The following TRPM3 variants were observed in gnomAD, a reference collection of about 807,000 sequenced individuals.
TRPM3 encodes the protein transient receptor potential cation channel subfamily M member 3, also known as long transient receptor potential channel 3.
In TRPM3, 77 loss-of-function variants were observed where a neutral mutation model predicts 181.2. The ratio of observed to expected loss-of-function variants is 0.42; its 90% CI spans 0.35 to 0.51. The LOEUF (loss-of-function observed/expected upper bound fraction) is 0.51. Among genes scored for constraint, TRPM3 ranks in the 20% least tolerant of loss-of-function variants. The pLI is 0.01. For synonymous variants in TRPM3, 745 were observed against 796.4 expected (o/e 0.94, Z 1.09); for missense variants, 1,759 against 2,196.7 (o/e 0.80, Z 3.98).
At chr9:70,999,777 G>A (rs1236797444) in intron 1 of TRPM3, among the ~76,000 whole-genome samples, 1 of 152,164 alleles carries the variant, frequency 6.6e-6, no homozygotes, top group Non-Finnish European at 1.5e-5. Context: ...AGAAAAAGGT[G>A]CAGCTCTTTC....
chr9:71,072,878 T>C (rs981367713), intron 1 of TRPM3, among the ~76,000 whole-genome samples: 9 of 152,174 alleles, frequency 5.9e-5, no homozygotes, highest in African/African-American at 2.2e-4. Context: ...TTAGCAATAA[T>C]GTGAACTTGT....
At chr9:70,756,776 C>A (rs2077159733) in intron 8 of TRPM3, among the ~76,000 whole-genome samples, 1 of 152,264 alleles carries the variant, frequency 6.6e-6, no homozygotes. Context: ...TAAACAAGTT[C>A]TTTGAAACCA....
At chr9:70,568,429 G>T (rs887942737) in intron 22 of TRPM3, among the ~76,000 whole-genome samples, 21 of 152,166 alleles carry the variant, frequency 1.4e-4, no homozygotes, top group African/African-American at 4.3e-4. Context: ...GGTTATAGAG[G>T]CTGATCATTA....
In TRPM3 at chr9:70,696,596, C is replaced by A. The variant is rs1306694595; in HGVS notation, c.1273-15018G>T. On this transcript the variant is annotated intron_variant, in intron 8 of 25. Coordinates refer to ENST00000677713, the MANE Select transcript of TRPM3 (RefSeq NM_001366145.2). ...AGACAGGGTAAAGAAAGAAAAGTTTCTGGGTTGCTCTGTGGATGTGTGCGC... is the reference window on the plus strand; with the variant it reads ...AGACAGGGTAAAGAAAGAAAAGTTTATGGGTTGCTCTGTGGATGTGTGCGC... 3.3e-5 allele frequency among the ~76,000 whole-genome samples: 5 copies of A among 152,326 alleles called. No homozygotes were observed. The South Asian group carries it at 1.0e-3, about 32-fold the overall frequency.
intron 1 of TRPM3, among the ~76,000 whole-genome samples, chr9:71,373,026 G>A (rs1199139888): frequency 6.6e-6 from 1 of 152,064 alleles, no homozygotes; most frequent in Non-Finnish European, 1.5e-5. Flanking sequence ...AATGACTCTT[G>A]GGTAAACAAG....
chr9:70,835,034 C>T (rs768697467), intron 5 of TRPM3, among the ~76,000 whole-genome samples: 24 of 152,122 alleles, frequency 1.6e-4, no homozygotes, highest in Non-Finnish European at 3.2e-4. Flanking sequence ...GGAGCTCTTG[C>T]TCTGTCAGTG....
chr9:71,170,513 A>C (rs1370390501), intron 1 of TRPM3, among the ~76,000 whole-genome samples: 1 of 152,212 alleles, frequency 6.6e-6, no homozygotes, highest in Non-Finnish European at 1.5e-5. Context: ...TGGGACCCCA[A>C]ACGGAGGGAC....
chr9:70,960,907 T>C (rs2097130082), intron 1 of TRPM3, among the ~76,000 whole-genome samples: 1 of 152,172 alleles, frequency 6.6e-6, no homozygotes, highest in South Asian at 2.1e-4. Flanking sequence ...TAGGATCAAC[T>C]TCAAAGCCCA....
At chr9:71,309,224 G>A (rs2132386476) in intron 1 of TRPM3, among the ~76,000 whole-genome samples, 1 of 152,222 alleles carries the variant, frequency 6.6e-6, no homozygotes, top group Non-Finnish European at 1.5e-5. Flanking sequence ...TTTAATAGCT[G>A]TAACGTTTAG....
At chr9:70,803,808 C>T (rs2089966515) in intron 6 of TRPM3, among the ~76,000 whole-genome samples, 1 of 152,046 alleles carries the variant, frequency 6.6e-6, no homozygotes, top group African/African-American at 2.4e-5. Context: ...TTCTGCCTTG[C>T]CTCTGTTTAC....
chr9:71,196,165 A>ATGTGTGTG (rs1385090125), intron 1 of TRPM3, among the ~76,000 whole-genome samples: 1 of 89,018 alleles, frequency 1.1e-5, no homozygotes, highest in African/African-American at 4.8e-5. Flanking sequence ...ACACACACGT[A>ATGTGTGTG]TATGTGTGTG....
intron 1 of TRPM3, among the ~76,000 whole-genome samples, chr9:71,059,301 A>T (rs2061037103): frequency 6.6e-6 from 1 of 151,876 alleles, no homozygotes; most frequent in Non-Finnish European, 1.5e-5. Flanking sequence ...TGCTCGCAAG[A>T]GTAGTATATA....
At chr9:70,917,565 T>TTTTTTTTTTTTTTGAGACGGA in intron 1 of TRPM3, 1 of 596,388 alleles carries the variant, frequency 1.7e-6, no homozygotes, top group African/African-American at 2.0e-5. Flanking sequence ...AGTGTTAAGT[T>TTTTTTTTTTTTTTGAGACGGA]GTTATATCAA....
chr9:70,592,896 A>AT (rs1218407963), intron 21 of TRPM3, among the ~76,000 whole-genome samples: 7 of 151,722 alleles, frequency 4.6e-5, no homozygotes, highest in Non-Finnish European at 5.9e-5. Context: ...TGCCCCGCTA[A>AT]TTTTTTTGTA....
At chr9:71,302,978 T>C (rs2086916204) in intron 1 of TRPM3, among the ~76,000 whole-genome samples, 1 of 152,032 alleles carries the variant, frequency 6.6e-6, no homozygotes, top group Admixed American at 6.6e-5. Context: ...GTGCAGAGTT[T>C]CGGAACTTGA....
At chr9:71,381,052 A>G (rs978351676) in intron 1 of TRPM3, among the ~76,000 whole-genome samples, 4 of 152,106 alleles carry the variant, frequency 2.6e-5, no homozygotes, top group Admixed American at 1.3e-4. Flanking sequence ...TGAGATTGAA[A>G]TAAGACTCAA....
chr9:71,077,337 G>A (rs1410091305), intron 1 of TRPM3, among the ~76,000 whole-genome samples: 1 of 152,096 alleles, frequency 6.6e-6, no homozygotes, highest in Non-Finnish European at 1.5e-5. Context: ...ATTACTGAAG[G>A]GGTTAGGGAC....
At chr9:70,835,118 C>A (rs543375046) in intron 5 of TRPM3, among the ~76,000 whole-genome samples, 6 of 152,204 alleles carry the variant, frequency 3.9e-5, no homozygotes, top group African/African-American at 1.4e-4. Context: ...TGTGCCAGCT[C>A]CCCCTTTGCC....
At chr9:70,602,106 C>CTTT (rs6151027) in intron 20 of TRPM3, among the ~76,000 whole-genome samples, 5 of 128,178 alleles carry the variant, frequency 3.9e-5, no homozygotes, top group East Asian at 4.6e-4. Flanking sequence ...CAAGGCATTC[C>CTTT]TTTTTTTTTT....
Sources: allele counts gnomAD v4.1 joint callset (sites outside exome capture counted in the v4.1 genomes callset), GRCh38; gene constraint gnomAD v4.1.1; transcripts MANE v1.5; gene names NCBI Gene and HGNC (gene_info 2026-07-23, HGNC 2026-07-21).